The following PLXNA2 variants were observed in gnomAD, a reference collection of about 807,000 sequenced individuals.
The protein encoded by PLXNA2 is plexin-A2.
A neutral mutation model predicts 193.5 loss-of-function variants in PLXNA2; 91 were observed. The observed-to-expected ratio is 0.47, with a 90% CI of 0.40 to 0.56. The LOEUF (loss-of-function observed/expected upper bound fraction) is 0.56. PLXNA2 is among the 20% of genes least tolerant of loss of function. The pLI is 0.00. For synonymous variants in PLXNA2, 997 were observed against 1,027.3 expected (o/e 0.97, Z 0.56); for missense variants, 1,995 against 2,503.2 (o/e 0.80, Z 4.33).
intron 13 of PLXNA2, among the ~76,000 whole-genome samples, chr1:208,058,456 C>G (rs984360826): frequency 6.6e-6 from 1 of 152,210 alleles, no homozygotes; most frequent in African/African-American, 2.4e-5. Context: ...GACTCTGCAC[C>G]GGGTCCTTTT....
chr1:208,071,508 A>C (rs2478816), intron 12 of PLXNA2, among the ~76,000 whole-genome samples: 1 of 152,132 alleles, frequency 6.6e-6, no homozygotes, highest in African/African-American at 2.4e-5. Flanking sequence ...TTTCCACTTG[A>C]AGTGTATGTG....
At chr1:208,030,792 C>G (rs2102298867) in intron 29 of PLXNA2, 3 of 985,452 alleles carry the variant, frequency 3.0e-6, no homozygotes, top group Non-Finnish European at 3.6e-6. Flanking sequence ...TCTCTGTGCT[C>G]TTTCCCAAAG....
intron 3 of PLXNA2, among the ~76,000 whole-genome samples, chr1:208,183,780 C>T: frequency 6.6e-6 from 1 of 152,284 alleles, no homozygotes; most frequent in East Asian, 1.9e-4. Flanking sequence ...TAGCATCTTA[C>T]AAAACTGCCC....
intron 3 of PLXNA2, among the ~76,000 whole-genome samples, chr1:208,162,782 C>G (rs1242672874): frequency 6.6e-6 from 1 of 152,160 alleles, no homozygotes; most frequent in African/African-American, 2.4e-5. Flanking sequence ...GGTTAAGTAG[C>G]TTGCCCAAAG....
intron 3 of PLXNA2, among the ~76,000 whole-genome samples, chr1:208,156,737 T>A (rs1201086492): frequency 2.6e-5 from 4 of 152,196 alleles, no homozygotes; most frequent in Non-Finnish European, 5.9e-5. Context: ...AATTCCCAGA[T>A]GTAGAAGTTG....
At chr1:208,070,474 G>T (rs1029800410) in intron 12 of PLXNA2, among the ~76,000 whole-genome samples, 1 of 151,946 alleles carries the variant, frequency 6.6e-6, no homozygotes, top group Admixed American at 6.6e-5. Flanking sequence ...GGGACTACTG[G>T]CTTTCTTCCC....
At chr1:208,072,882 G>A (rs1206281815) in intron 12 of PLXNA2, among the ~76,000 whole-genome samples, 2 of 152,164 alleles carry the variant, frequency 1.3e-5, no homozygotes, top group Non-Finnish European at 2.9e-5. Context: ...AGTTCCAAGA[G>A]GATTCTGATC....
intron 14 of PLXNA2, among the ~76,000 whole-genome samples, chr1:208,054,125 G>A (rs1211484935): frequency 1.3e-5 from 2 of 152,190 alleles, no homozygotes; most frequent in Non-Finnish European, 1.5e-5. Context: ...CCCGCCCCCA[G>A]TCTAGGATCC....
chr1:208,181,586 A>G (rs1003585011), intron 3 of PLXNA2, among the ~76,000 whole-genome samples: 1 of 152,112 alleles, frequency 6.6e-6, no homozygotes, highest in African/African-American at 2.4e-5. Context: ...CTCCCTAGAG[A>G]GGGTTAGACA....
intron 3 of PLXNA2, among the ~76,000 whole-genome samples, chr1:208,152,179 G>A (rs1668786252): frequency 6.6e-6 from 1 of 152,232 alleles, no homozygotes; most frequent in Non-Finnish European, 1.5e-5. Context: ...GGATGGGAAG[G>A]GAGGTCGAGA....
chr1:208,201,340 C>A (rs1670547580), intron 3 of PLXNA2, among the ~76,000 whole-genome samples: 1 of 152,168 alleles, frequency 6.6e-6, no homozygotes, highest in African/African-American at 2.4e-5. Flanking sequence ...TCCTTCAGCC[C>A]CACCCTGGGG....
chr1:208,199,816 C>T (rs961999702), intron 3 of PLXNA2, among the ~76,000 whole-genome samples: 2 of 152,214 alleles, frequency 1.3e-5, no homozygotes, highest in African/African-American at 2.4e-5. Flanking sequence ...CAGCAGATCA[C>T]TCCACCTTTC....
At chr1:208,231,608 C>G (rs77125464) in intron 1 of PLXNA2, among the ~76,000 whole-genome samples, 9,092 of 152,262 alleles carry the variant, frequency 0.06, 415 homozygotes, top group East Asian at 0.15. Flanking sequence ...AGGGACCCCA[C>G]TGTAATACGA....
At chr1:208,233,486 A>G (rs1230990391) in intron 1 of PLXNA2, among the ~76,000 whole-genome samples, 1 of 152,232 alleles carries the variant, frequency 6.6e-6, no homozygotes, top group African/African-American at 2.4e-5. Flanking sequence ...AATTTGGCCA[A>G]GGAAGCTGGG....
At chr1:208,187,632 C>T (rs1187074574) in intron 3 of PLXNA2, among the ~76,000 whole-genome samples, 4 of 152,230 alleles carry the variant, frequency 2.6e-5, no homozygotes, top group Non-Finnish European at 5.9e-5. Flanking sequence ...TATGCGAAGA[C>T]GTCTGCAAGG....
chr1:208,103,112 A>C, intron 5 of PLXNA2, 35 bp downstream of exon 5: 1 of 1,489,038 alleles, frequency 6.7e-7, no homozygotes, highest in Non-Finnish European at 9.4e-7. Context: ...GGTCTTCTGC[A>C]TGCCAAACCC....
intron 12 of PLXNA2, among the ~76,000 whole-genome samples, chr1:208,062,060 T>A (rs1327158261): frequency 6.6e-6 from 1 of 151,996 alleles, no homozygotes; most frequent in Non-Finnish European, 1.5e-5. Flanking sequence ...GCAGGATGGA[T>A]GAAGGAAGGA....
chr1:208,058,946 C>T (rs1665528340), intron 13 of PLXNA2, among the ~76,000 whole-genome samples: 1 of 152,318 alleles, frequency 6.6e-6, no homozygotes, highest in South Asian at 2.1e-4. Flanking sequence ...CATTCCAAAC[C>T]TCATGTGATT....
intron 14 of PLXNA2, among the ~76,000 whole-genome samples, chr1:208,052,894 C>G (rs1287992982): frequency 6.6e-6 from 1 of 151,950 alleles, no homozygotes; most frequent in African/African-American, 2.4e-5. Flanking sequence ...CTAAAGTCCT[C>G]CATTAATGGC....
Sources: gnomAD v4.1 joint callset for allele counts (sites outside exome capture counted in the v4.1 genomes callset) on GRCh38, gnomAD v4.1.1 for gene constraint, MANE v1.5 for transcripts, NCBI Gene and HGNC (gene_info 2026-07-23, HGNC 2026-07-21) for gene names.